The following RAB15 variants were observed in gnomAD, a reference collection of about 807,000 sequenced individuals.
RAB15 encodes the protein ras-related protein Rab-15.
In RAB15, 13 loss-of-function variants were observed where a neutral mutation model predicts 31.8. The observed-to-expected ratio is 0.41, with a 90% confidence interval of 0.27 to 0.65. RAB15 has a LOEUF of 0.65. RAB15 is among the 30% of genes least tolerant of loss of function. The pLI is 0.32. For missense variants in RAB15, 220 were observed against 277.3 expected (o/e 0.79, Z 1.47); for synonymous variants, 100 against 105.6 (o/e 0.95, Z 0.33).
Position 64,971,811 on chromosome 14 carries a change from G to T in RAB15, c.124+142C>A. ...ACCTGCCAAAACCTATGCTCACCCCGAGATTTATCCCGGACTCCGGCCTCC... is the reference window on the plus strand; with the variant it reads ...ACCTGCCAAAACCTATGCTCACCCCTAGATTTATCCCGGACTCCGGCCTCC... On this transcript the variant is annotated intron_variant, in intron 1 of 6. Coordinates refer to ENST00000533601, the MANE Select transcript of RAB15 (RefSeq NM_001308154.2). The surrounding 1 kb of genome is among the most constrained non-coding windows in gnomAD (Gnocchi z 4.1). 1.3e-6 allele frequency: 1 copy of T among 789,194 alleles called. No individual in the cohort carries two copies. Among genetic ancestry groups the T allele is most frequent in the Non-Finnish European group, 2.0e-6 (1 of 500,964 alleles). The allele number at this position is 789,194 out of a possible 1,614,324, so 48.9% of individuals were successfully genotyped here.
At chr14:64,961,377 G>C (rs1468808060) in intron 1 of RAB15, among the ~76,000 whole-genome samples, 1 of 152,224 alleles carries the variant, frequency 6.6e-6, no homozygotes, top group Non-Finnish European at 1.5e-5. Flanking sequence ...GTTTGGCTGT[G>C]TCCTCACCCA....
At chr14:64,964,518 CAAAAAAAAAAAAG>C (rs1887020461) in intron 1 of RAB15, among the ~76,000 whole-genome samples, 1 of 71,924 alleles carries the variant, frequency 1.4e-5, no homozygotes, top group African/African-American at 6.2e-5. Context: ...GACTCTGTTT[CAAAAAAAAAAAAG>C]AAAAAAAGAA....
In RAB15 at chr14:64,972,119, C is replaced by T. The variant is rs1157576937; in HGVS notation, c.-43G>A. 6.7e-6 allele frequency: 9 copies of T among 1,349,356 alleles called. No individual in the cohort carries two copies. The South Asian group carries it at 1.7e-4, about 26-fold the overall frequency. The allele number at this position is 1,349,356 out of a possible 1,614,324, so 83.6% of individuals were successfully genotyped here. A position where few individuals can be genotyped will look rare whatever the true frequency, so the allele number is the denominator to read the frequency against. On this transcript the variant is annotated 5_prime_UTR_variant, in exon 1 of 7. Transcript: ENST00000533601. The surrounding 1 kb of genome is among the most constrained non-coding windows in gnomAD (Gnocchi z 6.3). ...CCGGGAACTGCGGGCGGGCAGCGGG[C>T]TCAGCCCTGCTCCGCCGCTGCCATC...
Position 64,968,842 on chromosome 14 carries a change from C to T in RAB15, c.124+3111G>A, listed in dbSNP as rs559496366. Among the ~76,000 whole-genome samples, 1 of 152,332 alleles carries T rather than the reference C, an allele frequency of 6.6e-6. No homozygotes were observed. Among genetic ancestry groups the T allele is most frequent in the East Asian group, 1.9e-4 (1 of 5,178 alleles). ...CAGAAAGGAAATGCCTGTGGCAGAG[C>T]CAGTGGCAGGGCCACCTGCTGGTCT... On this transcript the variant is annotated intron_variant, in intron 1 of 6. Transcript: ENST00000533601. The surrounding 1 kb of genome is among the most constrained non-coding windows in gnomAD (Gnocchi z 4.9).
rs1887401592 is a variant in RAB15, at chr14:64,971,267, C to G, written c.124+686G>C. ...CCAGCACTGCCAGATGAGAGATGCC[C>G]TCAGGCGGGTCCTGCCTGCCTTCTG... On this transcript the variant is annotated intron_variant, in intron 1 of 6. Coordinates refer to ENST00000533601, the MANE Select transcript of RAB15 (RefSeq NM_001308154.2). The surrounding 1 kb of genome is among the most constrained non-coding windows in gnomAD (Gnocchi z 4.1). Among the ~76,000 whole-genome samples the G allele has an allele frequency of 6.6e-6, 1 of 152,206 alleles. No homozygotes were observed.
Position 64,972,072 on chromosome 14 carries a change from GC to G in RAB15, c.4del (p.Ala2ArgfsTer12). 1 of 1,604,524 alleles carries G rather than the reference GC, an allele frequency of 6.2e-7. No individual in the cohort carries two copies. On this transcript the variant is annotated frameshift_variant, in exon 1 of 7. Transcript: ENST00000533601. LOFTEE classifies it high-confidence loss of function. This position sits in a 1 kb window ranked among gnomAD's most constrained non-coding sequence, Gnocchi z 6.3. ...CCGGAACAGCACATCGTACTGCTTC[GC>G]CATGACTGGGGCCAGCGGGGCCGGG... M[A>X]KQYDVLFRLL...
At chr14:64,956,728 G>C (rs1039236149) in intron 1 of RAB15, among the ~76,000 whole-genome samples, 1 of 151,810 alleles carries the variant, frequency 6.6e-6, no homozygotes, top group Non-Finnish European at 1.5e-5. Context: ...GACGTGCCTA[G>C]ACCTACTGAA....
intron 1 of RAB15, among the ~76,000 whole-genome samples, chr14:64,960,847 C>CA (rs1886816094): frequency 1.3e-5 from 2 of 152,124 alleles, no homozygotes. Flanking sequence ...AATGTTTCAA[C>CA]AAAAAGAGGA....
rs1394608664 is a variant in RAB15, at chr14:64,971,702, T to A, written c.124+251A>T. On this transcript the variant is annotated intron_variant, in intron 1 of 6. Coordinates refer to ENST00000533601, the MANE Select transcript of RAB15 (RefSeq NM_001308154.2). This position sits in a 1 kb window ranked among gnomAD's most constrained non-coding sequence, Gnocchi z 4.1. ...ACCAGCTCCCCTCACCCCCGGTTTC[T>A]CGGTTTGATGGGACGGAAGGCTTCC... 1.9e-6 allele frequency: 1 copy of A among 535,646 alleles called. No individual in the cohort carries two copies. The highest frequency in any genetic ancestry group is 2.0e-5 in the African/African-American group (1 of 50,864). 33.2% of individuals were successfully genotyped at this position (535,646 alleles called of 1,614,324 possible).
rs1202707949 is a variant in RAB15 at position 64,951,660 on chromosome 14, G to GT, written c.188dup (p.Asp63GlufsTer27). 1 of 1,614,048 alleles carries GT rather than the reference G, an allele frequency of 6.2e-7. No homozygotes were observed. The highest frequency in any genetic ancestry group is 8.5e-7 in the Non-Finnish European group (1 of 1,179,888). ...TCTGGTATCTCTCCTGCCCTGCAGT[G>GT]TCCCTGCAGGAGAAAGCCAGTCCCT... On this transcript the variant is annotated frameshift_variant, in exon 3 of 7. Transcript: ENST00000533601. LOFTEE classifies it high-confidence loss of function. The surrounding 1 kb of genome is among the most constrained non-coding windows in gnomAD (Gnocchi z 7.2).
chr14:64,964,245 C>T (rs1035238298), intron 1 of RAB15, among the ~76,000 whole-genome samples: 7 of 151,958 alleles, frequency 4.6e-5, no homozygotes, highest in South Asian at 2.1e-4. Context: ...ACTTTTAGGC[C>T]GGGCGTGGTG....
intron 1 of RAB15, among the ~76,000 whole-genome samples, chr14:64,956,845 A>C (rs905959997): frequency 6.6e-6 from 1 of 152,164 alleles, no homozygotes; most frequent in Non-Finnish European, 1.5e-5. Flanking sequence ...AGAAACATCC[A>C]TTGGCCTGGA....
At chr14:64,967,952 C>T (rs959903851) in intron 1 of RAB15, among the ~76,000 whole-genome samples, 2 of 152,148 alleles carry the variant, frequency 1.3e-5, no homozygotes, top group African/African-American at 4.8e-5. Flanking sequence ...AAGTCTTAAC[C>T]CCTTCTTCCA....
In RAB15 at chr14:64,968,967, A is replaced by G. The variant is rs1348446783; in HGVS notation, c.124+2986T>C. ...TCCCTGGCGGGTTCTTCTCTAGAAG[A>G]TCGCAGGCCGTTAAAGTGGAGTACA... On this transcript the variant is annotated intron_variant, in intron 1 of 6. Coordinates refer to ENST00000533601, the MANE Select transcript of RAB15 (RefSeq NM_001308154.2). This position sits in a 1 kb window ranked among gnomAD's most constrained non-coding sequence, Gnocchi z 4.9. Among the ~76,000 whole-genome samples the G allele has an allele frequency of 1.3e-5, 2 of 152,238 alleles. No homozygotes were observed.
At chr14:64,964,631 A>C (rs1887030478) in intron 1 of RAB15, among the ~76,000 whole-genome samples, 1 of 151,774 alleles carries the variant, frequency 6.6e-6, no homozygotes, top group South Asian at 2.1e-4. Context: ...GCTGGAGTGC[A>C]GTGGTGCGAT....
chr14:64,950,874 G>GT lies in RAB15; in HGVS notation c.324+199dup. The stretch of plus-strand genomic sequence containing the variant: ...ATTCATTTCCGGGAAAGACACAGCC[G>GT]TGGAGGCCTGGCAGGGTATAGAGAG... On this transcript the variant is annotated intron_variant, in intron 4 of 6. Coordinates refer to ENST00000533601, the MANE Select transcript of RAB15 (RefSeq NM_001308154.2). This position sits in a 1 kb window ranked among gnomAD's most constrained non-coding sequence, Gnocchi z 5.6. 9.8e-7 allele frequency: 1 copy of GT among 1,021,978 alleles called. No individual in the cohort carries two copies. Among genetic ancestry groups the GT allele is most frequent in the Non-Finnish European group, 1.5e-6 (1 of 676,198 alleles). The allele number at this position is 1,021,978 out of a possible 1,614,324, so 63.3% of individuals were successfully genotyped here.
In RAB15 at chr14:64,970,915, A is replaced by G. The variant is rs1887384006; in HGVS notation, c.124+1038T>C. Among the ~76,000 whole-genome samples, 1 of 152,252 alleles carries G rather than the reference A, an allele frequency of 6.6e-6. No homozygotes were observed. The highest frequency in any genetic ancestry group is 1.9e-4 in the East Asian group (1 of 5,174). On this transcript the variant is annotated intron_variant, in intron 1 of 6. Transcript: ENST00000533601. The surrounding 1 kb of genome is among the most constrained non-coding windows in gnomAD (Gnocchi z 4.1). ...TGGGGGGAGGGGGGATGGTGTGGAC[A>G]TGAATCCTCAAGAGGAAGCTGAGAG...
In RAB15 at chr14:64,957,100, C is replaced by T. The variant is rs1303810181; in HGVS notation, c.125-4529G>A. On this transcript the variant is annotated intron_variant, in intron 1 of 6. Transcript: ENST00000533601. The stretch of plus-strand genomic sequence containing the variant: ...TGCAAGTGTGCACCACCATGCCCAG[C>T]TAATTTTTTTTTTTTTTGTAGAGAT... Among the ~76,000 whole-genome samples, 3 of 141,178 alleles carry T rather than the reference C, an allele frequency of 2.1e-5. No homozygotes were observed. In the East Asian group the frequency reaches 5.9e-4, roughly 28 times the overall value. The allele number at this position is 141,178 out of a possible 152,430, so 92.6% of individuals were successfully genotyped here. A position where few individuals can be genotyped will look rare whatever the true frequency, so the allele number is the denominator to read the frequency against.
chr14:64,955,033 G>C lies in RAB15; in HGVS notation c.125-2462C>G, dbSNP rs545727270. On this transcript the variant is annotated intron_variant, in intron 1 of 6. Coordinates refer to ENST00000533601, the MANE Select transcript of RAB15 (RefSeq NM_001308154.2). The surrounding 1 kb of genome is among the most constrained non-coding windows in gnomAD (Gnocchi z 4.4). ...TTCTCACCTCCTCCCTCACTTCTTA[G>C]CTATGTGGCGGGGGACTAAGGCTGA... is the stretch of plus-strand genomic sequence containing the variant. Among the ~76,000 whole-genome samples the C allele has an allele frequency of 2.6e-4, 39 of 152,212 alleles. No homozygotes were observed. In the South Asian group the frequency reaches 4.6e-3, roughly 18 times the overall value.
Sources: gnomAD v4.1 joint callset for allele counts (sites outside exome capture counted in the v4.1 genomes callset) on GRCh38, gnomAD v4.1.1 for gene constraint, Gnocchi (gnomAD v3.1) non-coding constraint, MANE v1.5 for transcripts, NCBI Gene and HGNC (gene_info 2026-07-23, HGNC 2026-07-21) for gene names.